Variants in MESD observed in about 807,000 individuals in gnomAD.
The protein encoded by MESD is mesoderm development LRP chaperone.
Under a neutral mutation model 12.9 loss-of-function variants are expected in MESD, and 7 were observed. The observed-to-expected ratio is 0.54, with a 90% confidence interval of 0.31 to 1.02. The LOEUF (loss-of-function observed/expected upper bound fraction) is 1.02. MESD is among the 50% of genes least tolerant of loss of function. MESD has a pLI of 0.05. For synonymous variants in MESD, 126 were observed against 115.6 expected, an observed-to-expected ratio of 1.09 and a Z score of -0.58; for missense variants, 342 against 296.7, an observed-to-expected ratio of 1.15 and a Z score of -1.12.
At chr15:80,985,012 C>A (rs1243519470) in intron 1 of MESD, among the ~76,000 whole-genome samples, 1 of 152,222 alleles carries the variant, frequency 6.6e-6, no homozygotes, top group South Asian at 2.1e-4. Flanking sequence ...GCCTCGAGGC[C>A]TGTTTCCTCA....
intron 4 of MESD, chr15:80,948,967 G>A (rs772282245): frequency 1.2e-6 from 2 of 1,613,208 alleles, no homozygotes; most frequent in Admixed American, 1.7e-5. Flanking sequence ...GACTATGACG[G>A]TGACTCTTGG....
At chr15:80,955,421 C>T (rs1344732530) in intron 3 of MESD, among the ~76,000 whole-genome samples, 3 of 139,280 alleles carry the variant, frequency 2.2e-5, no homozygotes, top group Non-Finnish European at 4.6e-5. Context: ...ACCCAGGAGG[C>T]GGAGCTTGCA....
Position 80,977,516 on chromosome 15 carries a change from G to T in MESD, c.*1703C>A, listed in dbSNP as rs1415642786. ...GAAGGCTCCTAAGTGGAAACAGAAG[G>T]TACAGGGCGGAGTGAAAGCTTTGCT... On this transcript the variant is annotated 3_prime_UTR_variant, in exon 3 of 3. Transcript: ENST00000261758. The T allele has an allele frequency of 1.3e-5, 2 of 152,276 alleles. No homozygotes were observed. The highest frequency in any genetic ancestry group is 2.4e-5 in the African/African-American group (1 of 41,450). 9.4% of individuals were successfully genotyped at this position (152,276 alleles called of 1,614,324 possible).
chr15:80,949,302 AG>A (rs1407662073), intron 4 of MESD: 1 of 357,510 alleles, frequency 2.8e-6, no homozygotes, highest in Non-Finnish European at 5.5e-6. Flanking sequence ...GGTAGTCTGG[AG>A]GGCTGGTCAT....
chr15:80,946,713 G>C (rs538780040), downstream of MESD: 29 of 517,208 alleles, frequency 5.6e-5, no homozygotes, highest in African/African-American at 4.4e-4. Flanking sequence ...GGTGAGCCAA[G>C]TCCAGGCTTG....
rs1893242366 is a variant in MESD at position 80,989,616 on chromosome 15, T to C, written c.176A>G (p.Asn59Ser). 3.7e-6 allele frequency: 6 copies of C among 1,613,834 alleles called. No individual in the cohort carries two copies. The highest frequency in any genetic ancestry group is 3.3e-5 in the Admixed American group (2 of 60,004). The change falls in exon 1 of 3, where the codon AAT (asparagine) becomes AGT (serine). Residue 59 changes from asparagine to serine, a missense_variant. Asn to Ser is a conservative substitution (Grantham distance 46). Coordinates refer to ENST00000261758, the MANE Select transcript of MESD (RefSeq NM_015154.3). ...RKKKKDIRDYNDADMARLLEQ... is the reference protein window; with the variant it reads ...RKKKKDIRDYSDADMARLLEQ... ...CAGAAGACGCGCCATGTCTGCATCATTGTAATCGCGAATATCCTTCTTCTT... is the reference window on the plus strand; with the variant it reads ...CAGAAGACGCGCCATGTCTGCATCACTGTAATCGCGAATATCCTTCTTCTT...
downstream of MESD, among the ~76,000 whole-genome samples, chr15:80,974,627 C>T (rs1237199683): frequency 7.1e-6 from 1 of 141,790 alleles, no homozygotes; most frequent in Non-Finnish European, 1.5e-5. Context: ...CCCAAGATAC[C>T]AATACAAAAC....
At chr15:80,946,801 C>G (rs1567114446), downstream of MESD, 30 of 670,688 alleles carry the variant, frequency 4.5e-5, no homozygotes, top group South Asian at 7.8e-5. Flanking sequence ...GGAAAGAGCC[C>G]GTCAGCTCAG....
chr15:80,956,870 T>G (rs1901998662), intron 3 of MESD, among the ~76,000 whole-genome samples: 2 of 151,974 alleles, frequency 1.3e-5, no homozygotes, highest in South Asian at 4.2e-4. Context: ...CAGGCTGGAG[T>G]GCAGAAGCAT....
At chr15:80,966,569 CAA>C (rs1902179546) in intron 3 of MESD, among the ~76,000 whole-genome samples, 2 of 152,200 alleles carry the variant, frequency 1.3e-5, no homozygotes, top group Non-Finnish European at 2.9e-5. Flanking sequence ...CACACACACA[CAA>C]ACCAAGCTTC....
exon 5 of MESD, chr15:80,948,090 CTTTTAAA>C (rs1901640324): frequency 2.6e-5 from 4 of 153,262 alleles, no homozygotes; most frequent in Non-Finnish European, 4.4e-5. Flanking sequence ...GAGCCTCTGT[CTTTTAAA>C]TTAAGATCCC....
chr15:80,979,588 A>G, intron 2 of MESD, 111 bp from the exon 3 acceptor site: 1 of 1,336,874 alleles, frequency 7.5e-7, no homozygotes, highest in Non-Finnish European at 1.0e-6. Context: ...ATGAATATGG[A>G]ATGAAAAATT....
chr15:80,979,104 A>T lies in MESD; in HGVS notation c.*115T>A. On this transcript the variant is annotated 3_prime_UTR_variant, in exon 3 of 3. Transcript: ENST00000261758. ...TGGTCATGTGGCAGACCCTTTCTAG[A>T]AGACACTAGAATGTCATCCGGTGTG... 7.2e-7 allele frequency: 1 copy of T among 1,387,814 alleles called. No individual in the cohort carries two copies. Among genetic ancestry groups the T allele is most frequent in the Non-Finnish European group, 9.8e-7 (1 of 1,022,562 alleles). 86.0% of individuals were successfully genotyped at this position (1,387,814 alleles called of 1,614,324 possible).
downstream of MESD, among the ~76,000 whole-genome samples, chr15:80,974,087 C>G (rs1187809906): frequency 6.6e-6 from 1 of 152,080 alleles, no homozygotes; most frequent in Admixed American, 6.5e-5. Flanking sequence ...GAGAAGAACC[C>G]TAGTCTAGGA....
intron 2 of MESD, among the ~76,000 whole-genome samples, 156 bp from the exon 3 acceptor site, chr15:80,979,633 A>AGTAC (rs1270212403): frequency 1.3e-5 from 2 of 152,246 alleles, no homozygotes; most frequent in Admixed American, 6.5e-5. Flanking sequence ...CTGATATCTC[A>AGTAC]TGTATTAAAA....
chr15:80,980,493 C>T (rs1227828314), intron 2 of MESD, among the ~76,000 whole-genome samples: 1 of 152,210 alleles, frequency 6.6e-6, no homozygotes. Context: ...AAAGCACTTT[C>T]CACTGAGCAG....
chr15:80,947,298 A>C, downstream of MESD: 1 of 509,244 alleles, frequency 2.0e-6, no homozygotes, highest in African/African-American at 1.9e-5. Context: ...CCAGCCACTG[A>C]AAGAAAATTG....
At position 80,979,165 on chromosome 15, in the gene MESD, G is replaced by A; in HGVS notation, c.*54C>T. The stretch of plus-strand genomic sequence containing the variant: ...AGACCACTCCCACCCCAGGAGCTGG[G>A]CAAAGAGCTCTCCACGTCCACCTGT... On this transcript the variant is annotated 3_prime_UTR_variant, in exon 3 of 3. Transcript: ENST00000261758. 6.4e-7 allele frequency: 1 copy of A among 1,571,132 alleles called. No homozygotes were observed. The highest frequency in any genetic ancestry group is 1.8e-5 in the Admixed American group (1 of 56,258).
At chr15:80,966,147 C>T (rs1902171499) in intron 3 of MESD, among the ~76,000 whole-genome samples, 1 of 151,770 alleles carries the variant, frequency 6.6e-6, no homozygotes. Context: ...TAGAAATAAC[C>T]ATTTTAGAAA....
Sources: gnomAD v4.1 joint callset for allele counts (sites outside exome capture counted in the v4.1 genomes callset) on GRCh38, gnomAD v4.1.1 for gene constraint, MANE v1.5 for transcripts, NCBI Gene and HGNC (gene_info 2026-07-23, HGNC 2026-07-21) for gene names.